Variants in EXOC4 observed in about 807,000 individuals in gnomAD.
EXOC4 encodes SEC8-like 1.
EXOC4 carries 71 observed loss-of-function variants against 107.2 expected under a neutral mutation model. The observed-to-expected ratio is 0.66, with a 90% CI of 0.55 to 0.81. The LOEUF (loss-of-function observed/expected upper bound fraction) is 0.81, where lower values mean the gene tolerates loss of function less well. Ranked by LOEUF, EXOC4 falls within the 30% of genes least tolerant of loss-of-function variation. The pLI is 0.00. For synonymous variants in EXOC4, 456 were observed against 441.2 expected (o/e 1.03, Z -0.42); for missense variants, 1,108 against 1,189.6 (o/e 0.93, Z 1.01).
chr7:133,797,550 C>T (rs1298994480), intron 10 of EXOC4, among the ~76,000 whole-genome samples: 1 of 152,148 alleles, frequency 6.6e-6, no homozygotes, highest in Non-Finnish European at 1.5e-5. Context: ...GGTCAGGGAA[C>T]ACAATGCATG....
chr7:133,549,200 T>G (rs1338555538), intron 9 of EXOC4, among the ~76,000 whole-genome samples: 1 of 152,026 alleles, frequency 6.6e-6, no homozygotes, highest in Non-Finnish European at 1.5e-5. Flanking sequence ...ACTGTGTTGT[T>G]AGGCTGGTCT....
intron 9 of EXOC4, among the ~76,000 whole-genome samples, chr7:133,581,997 G>A (rs895825992): frequency 1.3e-5 from 2 of 152,158 alleles, no homozygotes; most frequent in East Asian, 1.9e-4. Flanking sequence ...ACTATCATGA[G>A]AACAGCATGG....
intron 3 of EXOC4, among the ~76,000 whole-genome samples, chr7:133,300,097 A>G (rs927761546): frequency 6.6e-6 from 1 of 152,110 alleles, no homozygotes; most frequent in Non-Finnish European, 1.5e-5. Context: ...TGGGTTTCCT[A>G]AGGGAGATAG....
At chr7:133,458,874 C>T (rs1459259414) in intron 7 of EXOC4, among the ~76,000 whole-genome samples, 4 of 150,724 alleles carry the variant, frequency 2.7e-5, no homozygotes, top group Non-Finnish European at 5.9e-5. Flanking sequence ...CCCCCACACC[C>T]CCGCCCTGTG....
chr7:133,450,898 T>G (rs1283225680), intron 7 of EXOC4, among the ~76,000 whole-genome samples: 1 of 152,238 alleles, frequency 6.6e-6, no homozygotes, highest in African/African-American at 2.4e-5. Flanking sequence ...TGTGTAATTT[T>G]AAGTACTATT....
intron 5 of EXOC4, among the ~76,000 whole-genome samples, chr7:133,330,175 G>A (rs932142685): frequency 9.2e-5 from 14 of 152,090 alleles, no homozygotes; most frequent in Non-Finnish European, 1.9e-4. Context: ...CTGAGCTGTG[G>A]TGCACTCTGC....
intron 5 of EXOC4, among the ~76,000 whole-genome samples, chr7:133,328,495 G>T (rs960941484): frequency 6.6e-6 from 1 of 152,022 alleles, no homozygotes; most frequent in Non-Finnish European, 1.5e-5. Context: ...TATTTTGCCT[G>T]TTGATGCAGT....
At chr7:134,099,522 CTTTTTTTTTTTTTT>C in the EXOC4 span, among the ~76,000 whole-genome samples, 81 of 103,930 alleles carry the variant, frequency 7.8e-4, no homozygotes, top group African/African-American at 2.2e-3. Flanking sequence ...CATCACACTT[CTTTTTTTTTTTTTT>C]TTTTTTTTTT....
At chr7:133,751,854 A>G (rs1269065061) in intron 10 of EXOC4, among the ~76,000 whole-genome samples, 1 of 151,948 alleles carries the variant, frequency 6.6e-6, no homozygotes, top group Non-Finnish European at 1.5e-5. Context: ...TTTCTTCAAG[A>G]CCAGCATTAG....
chr7:133,771,587 C>A (rs577350262), intron 10 of EXOC4: 2 of 151,994 alleles, frequency 1.3e-5, no homozygotes, highest in African/African-American at 4.8e-5. Flanking sequence ...GAATTGCAAT[C>A]CGTGGTATGG....
At chr7:133,979,840 G>GC (rs947329725) in intron 14 of EXOC4, among the ~76,000 whole-genome samples, 1 of 152,010 alleles carries the variant, frequency 6.6e-6, no homozygotes, top group Non-Finnish European at 1.5e-5. Flanking sequence ...ACCTAGCTTG[G>GC]CAGACATCCT....
intron 17 of EXOC4, among the ~76,000 whole-genome samples, chr7:134,043,108 G>T (rs896982672): frequency 6.6e-6 from 1 of 151,868 alleles, no homozygotes; most frequent in East Asian, 1.9e-4. Flanking sequence ...GGTTCGGATG[G>T]TTTTTAAATG....
chr7:133,646,353 T>C (rs1470134017), intron 10 of EXOC4, among the ~76,000 whole-genome samples: 3 of 152,206 alleles, frequency 2.0e-5, no homozygotes, highest in Admixed American at 1.3e-4. Flanking sequence ...TTGCAATCTT[T>C]CCAGTAGTTT....
chr7:133,733,354 T>C (rs1205870472), intron 10 of EXOC4: 1 of 152,366 alleles, frequency 6.6e-6, no homozygotes, highest in Admixed American at 6.5e-5. Context: ...TAACTGGGCA[T>C]GGTGGTGCAT....
chr7:133,432,060 G>C (rs1471611021), intron 7 of EXOC4, among the ~76,000 whole-genome samples: 1 of 152,086 alleles, frequency 6.6e-6, no homozygotes, highest in Non-Finnish European at 1.5e-5. Flanking sequence ...ATCTGTGAGA[G>C]ATACCCTAGG....
intron 10 of EXOC4, among the ~76,000 whole-genome samples, chr7:133,711,441 C>T (rs1794890969): frequency 6.6e-6 from 1 of 152,138 alleles, no homozygotes; most frequent in African/African-American, 2.4e-5. Flanking sequence ...TACACACGAT[C>T]ACTTTTGAGT....
chr7:133,379,681 T>C (rs1353937653), intron 7 of EXOC4, among the ~76,000 whole-genome samples: 2 of 152,054 alleles, frequency 1.3e-5, no homozygotes, highest in Non-Finnish European at 2.9e-5. Flanking sequence ...TGGCTTTTAC[T>C]TATGTTCTGA....
downstream of EXOC4, among the ~76,000 whole-genome samples, chr7:134,069,255 A>C (rs1256554465): frequency 3.3e-4 from 38 of 114,842 alleles, no homozygotes; most frequent in African/African-American, 6.8e-4. Context: ...TTATTCTCCT[A>C]CTTCCTCCCT....
intron 7 of EXOC4, among the ~76,000 whole-genome samples, chr7:133,386,621 G>A (rs542255501): frequency 4.6e-5 from 7 of 152,292 alleles, no homozygotes; most frequent in East Asian, 1.9e-4. Context: ...TTACTGATAC[G>A]TGTACCATAA....
Sources: allele counts gnomAD v4.1 joint callset (sites outside exome capture counted in the v4.1 genomes callset), GRCh38; gene constraint gnomAD v4.1.1; transcripts MANE v1.5; gene names NCBI Gene and HGNC (gene_info 2026-07-23, HGNC 2026-07-21).